NALF1: variants seen among roughly 807,000 people sequenced by gnomAD.
NALF1 encodes the protein NALCN channel auxiliary factor 1, also known as family with sequence similarity 155 member A.
A neutral mutation model predicts 48.4 loss-of-function variants in NALF1; 3 were observed. The observed-to-expected ratio is 0.06, with a 90% confidence interval of 0.03 to 0.16. NALF1 has a LOEUF of 0.16. NALF1 is among the 10% of genes least tolerant of loss of function. The pLI, the probability that NALF1 is intolerant of heterozygous loss-of-function variation, is 1.00. For missense variants in NALF1, 526 were observed against 571.5 expected (o/e 0.92, Z 0.81); for synonymous variants, 262 against 245.7 (o/e 1.07, Z -0.62).
chr13:107,781,881 T>C (rs1335178995), intron 1 of NALF1, among the ~76,000 whole-genome samples: 1 of 152,206 alleles, frequency 6.6e-6, no homozygotes. Flanking sequence ...TAGCTTAGTA[T>C]AGTCTGTTGA....
intron 1 of NALF1, among the ~76,000 whole-genome samples, chr13:107,576,447 T>C (rs1445688488): frequency 3.3e-5 from 5 of 152,184 alleles, no homozygotes; most frequent in African/African-American, 1.2e-4. Flanking sequence ...TCAGGAACTC[T>C]AAAGGGTGAG....
At chr13:107,793,232 G>A (rs1230635237) in intron 1 of NALF1, among the ~76,000 whole-genome samples, 1 of 152,112 alleles carries the variant, frequency 6.6e-6, no homozygotes, top group Non-Finnish European at 1.5e-5. Flanking sequence ...CAGGGCTGTT[G>A]ATTTTTTCAT....
At chr13:107,614,583 T>G (rs978858254) in intron 1 of NALF1, among the ~76,000 whole-genome samples, 1 of 152,104 alleles carries the variant, frequency 6.6e-6, no homozygotes, top group Non-Finnish European at 1.5e-5. Flanking sequence ...GCTGGGAAAA[T>G]AGAAAACTGC....
chr13:107,845,787 A>G (rs564339813), intron 1 of NALF1, among the ~76,000 whole-genome samples: 1 of 152,176 alleles, frequency 6.6e-6, no homozygotes, highest in African/African-American at 2.4e-5. Context: ...CAAGTGAACA[A>G]AGTCTCATCC....
intron 1 of NALF1, among the ~76,000 whole-genome samples, chr13:107,383,264 A>T (rs1594147208): frequency 6.6e-6 from 1 of 152,348 alleles, no homozygotes; most frequent in East Asian, 1.9e-4. Flanking sequence ...TAAAAAGACA[A>T]GATAATTTTG....
intron 1 of NALF1, among the ~76,000 whole-genome samples, chr13:107,488,581 T>C (rs1885366820): frequency 6.6e-6 from 1 of 152,316 alleles, no homozygotes; most frequent in South Asian, 2.1e-4. Context: ...CATCCCTTTA[T>C]GTTAAAAACT....
intron 1 of NALF1, among the ~76,000 whole-genome samples, chr13:107,620,367 C>A (rs1270773208): frequency 1.3e-5 from 2 of 152,190 alleles, no homozygotes; most frequent in African/African-American, 4.8e-5. Context: ...AACGTGCTAT[C>A]ATTGGAGTGA....
chr13:107,196,858 T>C (rs1035242068), intron 2 of NALF1, among the ~76,000 whole-genome samples: 1 of 151,892 alleles, frequency 6.6e-6, no homozygotes, highest in Non-Finnish European at 1.5e-5. Flanking sequence ...TGGGGGGAGG[T>C]GACCAAGTGA....
chr13:107,810,333 A>G (rs185337874), intron 1 of NALF1, among the ~76,000 whole-genome samples: 8 of 152,078 alleles, frequency 5.3e-5, no homozygotes, highest in African/African-American at 1.9e-4. Context: ...GTCACTAACA[A>G]TTTATCTCAG....
chr13:107,556,330 T>TATAC (rs1877479753), intron 1 of NALF1, among the ~76,000 whole-genome samples: 2 of 145,302 alleles, frequency 1.4e-5, no homozygotes, highest in African/African-American at 5.2e-5. Context: ...TATATATATA[T>TATAC]ACACACACAT....
chr13:107,568,572 A>G (rs1877885342), intron 1 of NALF1, among the ~76,000 whole-genome samples: 6 of 152,228 alleles, frequency 3.9e-5, no homozygotes, highest in East Asian at 1.9e-4. Context: ...CACTAGCACT[A>G]TATGAGAGAT....
intron 1 of NALF1, among the ~76,000 whole-genome samples, chr13:107,409,441 T>C (rs1232786687): frequency 6.6e-6 from 1 of 152,118 alleles, no homozygotes; most frequent in East Asian, 1.9e-4. Flanking sequence ...TCCGGCCTGT[T>C]AGAGAGAATT....
At chr13:107,608,670 G>A (rs1036971427) in intron 1 of NALF1, among the ~76,000 whole-genome samples, 11 of 152,216 alleles carry the variant, frequency 7.2e-5, no homozygotes, top group East Asian at 1.9e-4. Flanking sequence ...ACTATATGTC[G>A]AATATAATTA....
intron 1 of NALF1, among the ~76,000 whole-genome samples, chr13:107,556,011 T>C (rs1566391545): frequency 1.3e-5 from 2 of 152,122 alleles, no homozygotes; most frequent in Admixed American, 6.5e-5. Flanking sequence ...ATTCTCATAT[T>C]CTAAATCAAT....
chr13:107,574,400 C>T (rs576340932), intron 1 of NALF1, among the ~76,000 whole-genome samples: 44 of 152,282 alleles, frequency 2.9e-4, no homozygotes, highest in Admixed American at 7.2e-4. Flanking sequence ...TCTCTCCAAA[C>T]CCCAACTAGA....
chr13:107,670,954 A>C (rs571024149), intron 1 of NALF1, among the ~76,000 whole-genome samples: 2 of 152,202 alleles, frequency 1.3e-5, no homozygotes, highest in Admixed American at 1.3e-4. Context: ...TCTTATGGAC[A>C]ATACACCTAG....
At chr13:107,613,704 A>T (rs1221715323) in intron 1 of NALF1, among the ~76,000 whole-genome samples, 1 of 152,236 alleles carries the variant, frequency 6.6e-6, no homozygotes, top group African/African-American at 2.4e-5. Flanking sequence ...GCATCAAGTT[A>T]TTTCAGTTAA....
intron 1 of NALF1, among the ~76,000 whole-genome samples, chr13:107,414,120 A>T (rs1202717268): frequency 4.6e-5 from 7 of 152,196 alleles, no homozygotes; most frequent in Admixed American, 1.3e-4. Context: ...AATGCCATGT[A>T]GTCAAAACGA....
chr13:107,249,405 A>T (rs989874607), intron 1 of NALF1, among the ~76,000 whole-genome samples: 1 of 152,308 alleles, frequency 6.6e-6, no homozygotes, highest in Admixed American at 6.5e-5. Flanking sequence ...AATGGTCTCC[A>T]AAGTTCAGAC....
Sources: gnomAD v4.1 joint callset for allele counts (sites outside exome capture counted in the v4.1 genomes callset) on GRCh38, gnomAD v4.1.1 for gene constraint, MANE v1.5 for transcripts, NCBI Gene and HGNC (gene_info 2026-07-23, HGNC 2026-07-21) for gene names.